The following NCKAP1 variants were observed in gnomAD, a reference collection of about 807,000 sequenced individuals.
NCKAP1 encodes the protein nck-associated protein 1.
Under a neutral mutation model 151.2 loss-of-function variants are expected in NCKAP1, and 21 were observed. The observed-to-expected ratio is 0.14, with a 90% CI of 0.10 to 0.20. NCKAP1 has a LOEUF of 0.20. Among genes scored for constraint, NCKAP1 ranks in the 10% least tolerant of loss-of-function variants. The pLI, the probability that NCKAP1 is intolerant of heterozygous loss-of-function variation, is 1.00. For synonymous variants in NCKAP1, 484 were observed against 451.8 expected (o/e 1.07, Z -0.90); for missense variants, 933 against 1,352.1 (o/e 0.69, Z 4.86).
rs2105827473 is a variant in NCKAP1, at chr2:182,957,442, T to C, written c.2021+15A>G. 1 of 1,606,882 alleles carries C rather than the reference T, an allele frequency of 6.2e-7. No homozygotes were observed. The highest frequency in any genetic ancestry group is 2.2e-5 in the East Asian group (1 of 44,788). ...TTACCTGGAGCAAAAAGGTATAATA[T>C]AAGTGGATACTTACTTGGTCACAAC... On this transcript the variant is annotated intron_variant, in intron 19 of 30. Transcript: ENST00000361354.
At position 182,957,515 on chromosome 2, in the gene NCKAP1, G is replaced by C; in HGVS notation, c.1963C>G (p.Pro655Ala). The C allele has an allele frequency of 6.2e-7, 1 of 1,613,910 alleles. No individual in the cohort carries two copies. Residue 655 changes from proline (P) to alanine (A), a missense_variant, in exon 19 of 31, where the codon CCT becomes GCT. Physicochemically the swap from Pro to Ala is conservative, Grantham distance 27. Transcript: ENST00000361354. ...SKKQTGKKGE[P>A]EREKPGVESM... ...TCAACACCTGGTTTCTCCCTTTCAGGTTCCCCTTTCTTACCAGTCTGCTTT... is the reference window on the plus strand; with the variant it reads ...TCAACACCTGGTTTCTCCCTTTCAGCTTCCCCTTTCTTACCAGTCTGCTTT...
intron 1 of NCKAP1, among the ~76,000 whole-genome samples, chr2:183,024,131 C>T (rs3817312): frequency 2.6e-5 from 4 of 151,270 alleles, no homozygotes; most frequent in African/African-American, 7.3e-5. Context: ...TGGAAAGTTT[C>T]GAAGCAGTTA....
intron 23 of NCKAP1, among the ~76,000 whole-genome samples, chr2:182,943,707 TTAA>T (rs1382166412): frequency 1.3e-5 from 2 of 152,130 alleles, no homozygotes; most frequent in African/African-American, 4.8e-5. Flanking sequence ...TGATATATGT[TTAA>T]TAATAAGAGC....
At position 182,912,361 on chromosome 2, in the gene NCKAP1, A is replaced by T. The variant is rs535637978; in HGVS notation, c.*13341T>A. 10 of 152,292 alleles carry T rather than the reference A, an allele frequency of 6.6e-5. No homozygotes were observed. The highest frequency in any genetic ancestry group is 2.4e-4 in the African/African-American group (10 of 41,558). 9.4% of individuals were successfully genotyped at this position (152,292 alleles called of 1,614,324 possible). The stretch of plus-strand genomic sequence containing the variant: ...TTTGCCAGTGCCAAAAAGATTTCCA[A>T]ATCTTTTCAGCTAAAAAGCCAGCAA... On this transcript the variant is annotated 3_prime_UTR_variant, in exon 31 of 31. Transcript: ENST00000361354.
intron 6 of NCKAP1, among the ~76,000 whole-genome samples, chr2:182,997,088 G>T (rs1411208797): frequency 6.6e-6 from 1 of 152,148 alleles, no homozygotes; most frequent in African/African-American, 2.4e-5. Flanking sequence ...GGGATTGGTT[G>T]TGATATTACC....
chr2:182,971,116 C>T (rs58475882), intron 15 of NCKAP1, among the ~76,000 whole-genome samples: 7,494 of 152,072 alleles, frequency 0.049, 245 homozygotes, highest in African/African-American at 0.094. Context: ...AGATATCGGC[C>T]GGGCGCGGTG....
In NCKAP1 at chr2:182,935,378, A is replaced by G; in HGVS notation, c.2696-3T>C. The G allele has an allele frequency of 6.5e-7, 1 of 1,529,594 alleles. No individual in the cohort carries two copies. The highest frequency in any genetic ancestry group is 8.8e-7 in the Non-Finnish European group (1 of 1,138,858). The allele number at this position is 1,529,594 out of a possible 1,614,324, so 94.8% of individuals were successfully genotyped here. On this transcript the variant is annotated splice_region_variant and splice_polypyrimidine_tract_variant and intron_variant, in intron 24 of 30. Transcript: ENST00000361354. ...CCTCTTCAAGACACTGTCAACAGCTAAATTCAAAGAAACAGAAGGAGAAGA... is the reference window on the plus strand; with the variant it reads ...CCTCTTCAAGACACTGTCAACAGCTGAATTCAAAGAAACAGAAGGAGAAGA...
chr2:182,973,094 A>G (rs1358562880), intron 15 of NCKAP1, among the ~76,000 whole-genome samples: 3 of 152,180 alleles, frequency 2.0e-5, no homozygotes, highest in African/African-American at 7.2e-5. Flanking sequence ...TATTCCCACT[A>G]CCCAGATTTG....
chr2:182,947,851 T>C (rs1697139221), intron 23 of NCKAP1, among the ~76,000 whole-genome samples: 1 of 152,188 alleles, frequency 6.6e-6, no homozygotes, highest in Non-Finnish European at 1.5e-5. Context: ...GAAACATCAT[T>C]ATGATCTGTA....
chr2:182,952,584 C>A, intron 22 of NCKAP1, 82 bp from the exon 23 acceptor site: 1 of 1,169,256 alleles, frequency 8.6e-7, no homozygotes, highest in Non-Finnish European at 1.2e-6. Context: ...TACAACATCT[C>A]ATTATAAAAA....
intron 17 of NCKAP1, among the ~76,000 whole-genome samples, chr2:182,963,559 G>T (rs1478928191): frequency 6.6e-6 from 1 of 152,008 alleles, no homozygotes; most frequent in Non-Finnish European, 1.5e-5. Flanking sequence ...AGACCACTTA[G>T]GTAATCCAGG....
chr2:182,951,649 A>AC (rs1317970128), intron 23 of NCKAP1, among the ~76,000 whole-genome samples: 34 of 150,744 alleles, frequency 2.3e-4, no homozygotes, highest in Middle Eastern at 3.4e-3. Flanking sequence ...AAAAAAAAAA[A>AC]AAACAAACAA....
rs376536281 is a variant in NCKAP1, at chr2:183,038,111, TGCCGCCGCC to T, written c.-21_-13del. ...ACTGAGCGCGACATGGTGGTGCTGGTGCCGCCGCCGCCGCCGGCCGCCTCGCGCCCAGTC... is the reference window on the plus strand; with the variant it reads ...ACTGAGCGCGACATGGTGGTGCTGGTGCCGCCGGCCGCCTCGCGCCCAGTC... On this transcript the variant is annotated 5_prime_UTR_variant, in exon 1 of 31. Coordinates refer to ENST00000361354, the MANE Select transcript of NCKAP1 (RefSeq NM_013436.5). The T allele has an allele frequency of 1.0e-5, 16 of 1,539,238 alleles. No homozygotes were observed. The highest frequency in any genetic ancestry group is 3.5e-4 in the Middle Eastern group (2 of 5,788).
intron 23 of NCKAP1, among the ~76,000 whole-genome samples, chr2:182,950,269 G>T (rs1396164966): frequency 6.6e-6 from 1 of 152,094 alleles, no homozygotes; most frequent in Non-Finnish European, 1.5e-5. Context: ...ACCATACCAT[G>T]ATACTGTATC....
intron 2 of NCKAP1, 64 bp downstream of exon 2, chr2:183,023,742 T>G: frequency 7.8e-7 from 1 of 1,284,636 alleles, no homozygotes; most frequent in Non-Finnish European, 1.1e-6. Context: ...ATAAGCACTG[T>G]GTTGACCACT....
rs780814064 is a variant in NCKAP1, at chr2:182,957,445, G to A, written c.2021+12C>T. The A allele has an allele frequency of 2.5e-6, 4 of 1,607,954 alleles. No homozygotes were observed. The highest frequency in any genetic ancestry group is 1.1e-5 in the South Asian group (1 of 89,752). ...CCTGGAGCAAAAAGGTATAATATAA[G>A]TGGATACTTACTTGGTCACAACCAG... On this transcript the variant is annotated intron_variant, in intron 19 of 30. Coordinates refer to ENST00000361354, the MANE Select transcript of NCKAP1 (RefSeq NM_013436.5).
At chr2:183,029,353 C>A (rs1188283602) in intron 1 of NCKAP1, among the ~76,000 whole-genome samples, 1 of 151,992 alleles carries the variant, frequency 6.6e-6, no homozygotes, top group Non-Finnish European at 1.5e-5. Flanking sequence ...CTACCACAAA[C>A]CCCCATACTG....
intron 13 of NCKAP1, among the ~76,000 whole-genome samples, chr2:182,980,127 T>C (rs1471421370): frequency 6.6e-6 from 1 of 152,128 alleles, no homozygotes; most frequent in Non-Finnish European, 1.5e-5. Flanking sequence ...AGCTTCTGGC[T>C]TATCTGTTAA....
At chr2:183,037,133 AC>A (rs1323108740) in intron 1 of NCKAP1, among the ~76,000 whole-genome samples, 1 of 152,184 alleles carries the variant, frequency 6.6e-6, no homozygotes, top group African/African-American at 2.4e-5. Flanking sequence ...TCCACTCCTT[AC>A]TGTACTGAGG....
Sources: gnomAD v4.1 joint callset for allele counts (sites outside exome capture counted in the v4.1 genomes callset) on GRCh38, gnomAD v4.1.1 for gene constraint, MANE v1.5 for transcripts, NCBI Gene and HGNC (gene_info 2026-07-23, HGNC 2026-07-21) for gene names.